MYO1H: variants seen among roughly 807,000 people sequenced by gnomAD.
MYO1H encodes the protein unconventional myosin-Ih.
In MYO1H, 118 loss-of-function variants were observed where a neutral mutation model predicts 149.3. The observed-to-expected ratio is 0.79, with a 90% confidence interval of 0.68 to 0.92. The LOEUF (loss-of-function observed/expected upper bound fraction) is 0.92, where lower values mean the gene tolerates loss of function less well. MYO1H is among the 40% of genes least tolerant of loss of function. The pLI is 0.00. For missense variants in MYO1H, 1,212 were observed against 1,280.7 expected, an observed-to-expected ratio of 0.95 and a Z score of 0.82; for synonymous variants, 447 against 465.2, an observed-to-expected ratio of 0.96 and a Z score of 0.50.
At chr12:109,438,126 C>T (rs982496381) in intron 22 of MYO1H, among the ~76,000 whole-genome samples, 4 of 147,926 alleles carry the variant, frequency 2.7e-5, no homozygotes, top group Non-Finnish European at 5.9e-5. Context: ...TAAGCCAGAA[C>T]CTAAGTTTTA....
At chr12:109,390,617 C>T (rs1869603351) in intron 2 of MYO1H, among the ~76,000 whole-genome samples, 1 of 151,142 alleles carries the variant, frequency 6.6e-6, no homozygotes, top group African/African-American at 2.4e-5. Flanking sequence ...GTGTTTTGCC[C>T]AATTTTAGGA....
the MYO1H span, among the ~76,000 whole-genome samples, chr12:109,319,239 T>C: frequency 6.6e-6 from 1 of 152,160 alleles, no homozygotes; most frequent in Non-Finnish European, 1.5e-5. Flanking sequence ...TGCAATGGAA[T>C]ATTCAGTCTT....
chr12:109,422,583 A>G (rs1348476379), intron 16 of MYO1H, among the ~76,000 whole-genome samples: 3 of 152,042 alleles, frequency 2.0e-5, no homozygotes, highest in African/African-American at 7.2e-5. Flanking sequence ...TCACAAACCA[A>G]TCCACGGAGA....
the MYO1H span, among the ~76,000 whole-genome samples, chr12:109,312,217 G>A: frequency 1.3e-5 from 2 of 151,176 alleles, no homozygotes; most frequent in East Asian, 3.9e-4. Context: ...TTTTTTGTTT[G>A]TTTGTTTGTT....
At chr12:109,446,634 A>C (rs1050485266) in intron 31 of MYO1H, 1 of 184,086 alleles carries the variant, frequency 5.4e-6, no homozygotes, top group East Asian at 1.9e-4. Flanking sequence ...ATGGTGGCAC[A>C]TGCCTATAGT....
At chr12:109,336,488 T>A in the MYO1H span, among the ~76,000 whole-genome samples, 1 of 152,228 alleles carries the variant, frequency 6.6e-6, no homozygotes, top group African/African-American at 2.4e-5. Flanking sequence ...CAGCACTTGG[T>A]CTTGTGCTCT....
At chr12:109,327,901 T>G in the MYO1H span, among the ~76,000 whole-genome samples, 2 of 151,944 alleles carry the variant, frequency 1.3e-5, no homozygotes, top group Non-Finnish European at 2.9e-5. Context: ...TATTGACTGT[T>G]TGCTCAGTGC....
At chr12:109,322,687 G>T in the MYO1H span, among the ~76,000 whole-genome samples, 1 of 151,824 alleles carries the variant, frequency 6.6e-6, no homozygotes, top group Non-Finnish European at 1.5e-5. Flanking sequence ...GGGTGTGGTG[G>T]CAGGCACCTG....
At chr12:109,312,851 G>A in the MYO1H span, among the ~76,000 whole-genome samples, 1 of 151,446 alleles carries the variant, frequency 6.6e-6, no homozygotes, top group Non-Finnish European at 1.5e-5. Context: ...GGCACCCTGG[G>A]CTGTGTCTGG....
At chr12:109,390,205 T>C (rs1055137441) in intron 2 of MYO1H, among the ~76,000 whole-genome samples, 1 of 150,686 alleles carries the variant, frequency 6.6e-6, no homozygotes, top group Non-Finnish European at 1.5e-5. Context: ...AGCGTAATCT[T>C]TTTTTCTTTT....
In MYO1H at chr12:109,415,636, G is replaced by T. The variant is rs932700710; in HGVS notation, c.1597+16G>T. The T allele has an allele frequency of 1.9e-6, 3 of 1,567,702 alleles. No individual in the cohort carries two copies. Among genetic ancestry groups the T allele is most frequent in the Admixed American group, 3.7e-5 (2 of 54,190 alleles). On this transcript the variant is annotated intron_variant, in intron 15 of 31. Coordinates refer to ENST00000310903, the Ensembl canonical transcript of MYO1H. ...TGCACCAAGGGTGAGTGGCCGTGGG[G>T]TACAGGTGACAGCCATGTATGTGCC... is the stretch of plus-strand genomic sequence containing the variant.
rs533020630 is a variant in MYO1H, at chr12:109,415,509, C to T, written c.1503-17C>T. 8.2e-6 allele frequency: 13 copies of T among 1,588,526 alleles called. No homozygotes were observed. The South Asian group carries it at 1.5e-4, about 18-fold the overall frequency. On this transcript the variant is annotated splice_polypyrimidine_tract_variant and intron_variant, in intron 14 of 31. Coordinates refer to ENST00000310903, the Ensembl canonical transcript of MYO1H. Reference sequence around the variant, plus strand: ...AAAGAAAAGAAAGTTCAACTCGTGTCTATTTCTGTCTCGTAGCCGTAAGCT... The same window carrying T: ...AAAGAAAAGAAAGTTCAACTCGTGTTTATTTCTGTCTCGTAGCCGTAAGCT...
intron 6 of MYO1H, among the ~76,000 whole-genome samples, chr12:109,401,838 C>T (rs1480041929): frequency 6.6e-6 from 1 of 151,854 alleles, no homozygotes; most frequent in Non-Finnish European, 1.5e-5. Context: ...CTCCTGGGCT[C>T]AAGTGATCCT....
chr12:109,447,985 C>T (rs1181854324), exon 32 of MYO1H: 1 of 152,212 alleles, frequency 6.6e-6, no homozygotes, highest in Non-Finnish European at 1.5e-5. Context: ...TGGGGAGGGG[C>T]TCCGTATAAT....
At chr12:109,314,724 G>A in the MYO1H span, among the ~76,000 whole-genome samples, 1 of 152,182 alleles carries the variant, frequency 6.6e-6, no homozygotes, top group African/African-American at 2.4e-5. Context: ...GCTAGAAGGT[G>A]CTCAACAGGC....
intron 1 of MYO1H, among the ~76,000 whole-genome samples, chr12:109,374,052 A>T (rs140913871): frequency 7.2e-5 from 11 of 152,238 alleles, no homozygotes; most frequent in Admixed American, 4.6e-4. Context: ...ATTAAACTAC[A>T]TATACTCTTA....
rs1448315214 is a variant in MYO1H, at chr12:109,443,316, ATATG to A, written c.2689-196_2689-193del. Among the ~76,000 whole-genome samples, 7 of 123,714 alleles carry A rather than the reference ATATG, an allele frequency of 5.7e-5. 2 individuals carry two copies. The highest frequency in any genetic ancestry group is 3.6e-5 in the African/African-American group (1 of 27,998). 81.2% of individuals were successfully genotyped at this position (123,714 alleles called of 152,430 possible). On this transcript the variant is annotated intron_variant, in intron 27 of 31. Transcript: ENST00000310903. ...TATGTGTGTATATATGTGTACGTAT[ATATG>A]TGTGTATGTATGTGTACGTATATAT...
chr12:109,375,538 T>C (rs532070754), intron 1 of MYO1H, among the ~76,000 whole-genome samples: 39 of 152,352 alleles, frequency 2.6e-4, no homozygotes, highest in Non-Finnish European at 4.7e-4. Flanking sequence ...CATTTCTAGA[T>C]CCTTTTTATG....
intron 1 of MYO1H, among the ~76,000 whole-genome samples, chr12:109,349,245 T>C (rs1276009957): frequency 1.3e-5 from 2 of 152,178 alleles, no homozygotes; most frequent in Non-Finnish European, 2.9e-5. Context: ...GAAGTAACCA[T>C]GCAGATTGAC....
Sources: allele counts gnomAD v4.1 joint callset (sites outside exome capture counted in the v4.1 genomes callset), GRCh38; gene constraint gnomAD v4.1.1; transcripts MANE v1.5; gene names NCBI Gene and HGNC (gene_info 2026-07-23, HGNC 2026-07-21).